EVI5: variants seen among roughly 807,000 people sequenced by gnomAD.
The protein encoded by EVI5 is ecotropic viral integration site 5 protein homolog.
EVI5 carries 73 observed loss-of-function variants against 112.0 expected under a neutral mutation model. The ratio of observed to expected loss-of-function variants is 0.65; its 90% CI spans 0.54 to 0.79. The LOEUF (loss-of-function observed/expected upper bound fraction) is 0.79, where lower values mean the gene tolerates loss of function less well. Among genes scored for constraint, EVI5 ranks in the 30% least tolerant of loss-of-function variants. The probability of loss-of-function intolerance (pLI) is 0.00; values close to 1 mark genes in which losing one functional copy is unlikely to be tolerated. For synonymous variants in EVI5, 305 were observed against 319.9 expected (o/e 0.95, Z 0.50); for missense variants, 900 against 968.8 (o/e 0.93, Z 0.94).
chr1:92,665,527 C>T (rs1379620841), intron 11 of EVI5, among the ~76,000 whole-genome samples: 3 of 152,120 alleles, frequency 2.0e-5, no homozygotes, highest in Admixed American at 6.6e-5. Flanking sequence ...TCAGTCACTT[C>T]GACTAAAAGC....
At position 92,644,811 on chromosome 1, in the gene EVI5, T is replaced by G. The variant is rs542964484; in HGVS notation, c.1393-8475A>C. 2.4e-4 allele frequency among the ~76,000 whole-genome samples: 37 copies of G among 152,294 alleles called. 1 individual carries two copies. Among genetic ancestry groups the G allele is most frequent in the Admixed American group, 1.4e-3 (21 of 15,296 alleles). Reference sequence around the variant, plus strand: ...TAAAAACGTATTAATTTCCAAATATTAGGGGATTTTCCAGATACCTATTAT... The same window carrying G: ...TAAAAACGTATTAATTTCCAAATATGAGGGGATTTTCCAGATACCTATTAT... On this transcript the variant is annotated intron_variant, in intron 13 of 19. Transcript: ENST00000684568.
chr1:92,707,663 T>A (rs1404037993), intron 2 of EVI5, among the ~76,000 whole-genome samples: 1 of 152,184 alleles, frequency 6.6e-6, no homozygotes, highest in Non-Finnish European at 1.5e-5. Flanking sequence ...TTGGCCAGGA[T>A]GGAAGCAATT....
chr1:92,709,534 A>G (rs1365190772), intron 2 of EVI5, among the ~76,000 whole-genome samples: 2 of 152,194 alleles, frequency 1.3e-5, no homozygotes, highest in Non-Finnish European at 2.9e-5. Context: ...AGATATAAAC[A>G]TGACTTCATA....
At chr1:92,618,676 G>T (rs1653791046) in intron 16 of EVI5, among the ~76,000 whole-genome samples, 1 of 152,194 alleles carries the variant, frequency 6.6e-6, no homozygotes, top group African/African-American at 2.4e-5. Context: ...AACATGACCT[G>T]CTGAGGTGCT....
chr1:92,697,643 T>C (rs1029941005), intron 6 of EVI5, among the ~76,000 whole-genome samples: 2 of 152,098 alleles, frequency 1.3e-5, no homozygotes, highest in Non-Finnish European at 2.9e-5. Context: ...TGCTTAAGGA[T>C]TGAATATGAA....
intron 18 of EVI5, among the ~76,000 whole-genome samples, chr1:92,574,787 T>C (rs1670802945): frequency 6.6e-6 from 1 of 152,192 alleles, no homozygotes; most frequent in Admixed American, 6.5e-5. Context: ...AAACTGTTTA[T>C]AAATAAATCT....
upstream of EVI5, among the ~76,000 whole-genome samples, chr1:92,787,694 C>T (rs1417039205): frequency 2.7e-5 from 4 of 150,812 alleles, no homozygotes; most frequent in Admixed American, 6.6e-5. Flanking sequence ...GAGCCATGAT[C>T]GTGCCACTGC....
At position 92,703,504 on chromosome 1, in the gene EVI5, G is replaced by A. The variant is rs530988673; in HGVS notation, c.455C>T (p.Ser152Leu). The A allele has an allele frequency of 3.7e-5, 59 of 1,599,038 alleles. No individual in the cohort carries two copies. Among genetic ancestry groups the A allele is most frequent in the Non-Finnish European group, 4.8e-5 (56 of 1,176,106 alleles). ...DQYSELLKMT[S>L]PCEKLIRRDI... ...CCTTCGGATCAATTTTTCACAAGGCGAGGTCATTTTCAGGAGTTCTGAATA... is the reference window on the plus strand; with the variant it reads ...CCTTCGGATCAATTTTTCACAAGGCAAGGTCATTTTCAGGAGTTCTGAATA... Residue 152 changes from serine to leucine, a missense_variant, in exon 4 of 20, where the codon TCG (serine) becomes TTG (leucine). Physicochemically the swap from Ser to Leu is moderately radical, Grantham distance 145. Transcript: ENST00000684568.
At chr1:92,562,511 C>T in intron 19 of EVI5, among the ~76,000 whole-genome samples, 1 of 151,936 alleles carries the variant, frequency 6.6e-6, no homozygotes, top group East Asian at 1.9e-4. Context: ...GCCTGGCCGA[C>T]AGAGCGAGAC....
At chr1:92,775,340 T>C (rs1288354950) in intron 1 of EVI5, among the ~76,000 whole-genome samples, 1 of 151,472 alleles carries the variant, frequency 6.6e-6, no homozygotes, top group Non-Finnish European at 1.5e-5. Context: ...GGCAGGAGAA[T>C]AGTTTGAACC....
At chr1:92,575,397 A>T (rs1033691236) in intron 18 of EVI5, among the ~76,000 whole-genome samples, 6 of 152,186 alleles carry the variant, frequency 3.9e-5, no homozygotes, top group Admixed American at 3.3e-4. Flanking sequence ...ATAACACTTA[A>T]ATTTACAGTA....
intron 16 of EVI5, among the ~76,000 whole-genome samples, chr1:92,620,119 C>T (rs1456949435): frequency 2.6e-5 from 4 of 152,010 alleles, no homozygotes; most frequent in Non-Finnish European, 5.9e-5. Flanking sequence ...CCGAGACGGG[C>T]GGATCACCTG....
At chr1:92,526,915 T>C (rs1661970365) in intron 19 of EVI5, among the ~76,000 whole-genome samples, 1 of 152,188 alleles carries the variant, frequency 6.6e-6, no homozygotes, top group African/African-American at 2.4e-5. Flanking sequence ...TACTGCAGGA[T>C]GTCAATTACA....
intron 16 of EVI5, among the ~76,000 whole-genome samples, chr1:92,611,575 G>A (rs963309071): frequency 7.3e-5 from 11 of 150,922 alleles, no homozygotes; most frequent in East Asian, 3.9e-4. Flanking sequence ...GATGGCGGGC[G>A]CCTGTACTCC....
rs1659192580 is a variant in EVI5, at chr1:92,511,548, C to G, written c.*2108G>C. ...AGGGAGATCTAGGTTAAAATCTTGG[C>G]TCTTGCTGGGAGCAGTAGCTCGCAC... On this transcript the variant is annotated 3_prime_UTR_variant, in exon 20 of 20. Coordinates refer to ENST00000684568, the MANE Select transcript of EVI5 (RefSeq NM_001350197.2). 6.6e-6 allele frequency: 1 copy of G among 152,108 alleles called. No homozygotes were observed. The highest frequency in any genetic ancestry group is 1.5e-5 in the Non-Finnish European group (1 of 68,022). 9.4% of individuals were successfully genotyped at this position (152,108 alleles called of 1,614,324 possible).
Position 92,771,772 on chromosome 1 carries a change from C to T in EVI5, c.-82+13064G>A, listed in dbSNP as rs143634774. 1.8e-3 allele frequency among the ~76,000 whole-genome samples: 279 copies of T among 151,606 alleles called. 4 individuals are homozygous for T. Among genetic ancestry groups the T allele is most frequent in the African/African-American group, 6.5e-3 (268 of 41,388 alleles). ...ACAGACATGTGCCACCACGCCTGCC[C>T]GGAATACATCAATTTTCAAGTGTAT... is the stretch of plus-strand genomic sequence containing the variant. On this transcript the variant is annotated intron_variant, in intron 1 of 19. Coordinates refer to ENST00000684568, the MANE Select transcript of EVI5 (RefSeq NM_001350197.2).
chr1:92,648,625 T>C (rs1557992382), intron 13 of EVI5, among the ~76,000 whole-genome samples: 1 of 152,232 alleles, frequency 6.6e-6, no homozygotes, highest in Non-Finnish European at 1.5e-5. Flanking sequence ...AATGGAGTCA[T>C]ACAATATGTG....
At chr1:92,520,906 A>G (rs1003491873) in intron 19 of EVI5, among the ~76,000 whole-genome samples, 2 of 151,710 alleles carry the variant, frequency 1.3e-5, no homozygotes, top group Admixed American at 6.6e-5. Context: ...AAAAGCAAGT[A>G]TGAGATTGCT....
intron 1 of EVI5, among the ~76,000 whole-genome samples, chr1:92,765,003 A>C (rs1050761655): frequency 2.6e-5 from 4 of 152,108 alleles, no homozygotes; most frequent in Admixed American, 6.6e-5. Flanking sequence ...CATCCAACAA[A>C]TAGAATAATT....
Sources: gnomAD v4.1 joint callset for allele counts (sites outside exome capture counted in the v4.1 genomes callset) on GRCh38, gnomAD v4.1.1 for gene constraint, MANE v1.5 for transcripts, NCBI Gene and HGNC (gene_info 2026-07-23, HGNC 2026-07-21) for gene names.